The following DLG2 variants were observed in gnomAD, a reference collection of about 807,000 sequenced individuals.
The protein encoded by DLG2 is discs large MAGUK scaffold protein 2, also known as disks large homolog 2.
In DLG2, 45 loss-of-function variants were observed where a neutral mutation model predicts 132.5. The ratio of observed to expected loss-of-function variants is 0.34; its 90% CI spans 0.27 to 0.44. The LOEUF is 0.44. Ranked by LOEUF, DLG2 falls within the 20% of genes least tolerant of loss-of-function variation. The pLI is 1.00. For missense variants in DLG2, 1,045 were observed against 1,196.9 expected, an observed-to-expected ratio of 0.87 and a Z score of 1.87; for synonymous variants, 424 against 419.6, an observed-to-expected ratio of 1.01 and a Z score of -0.13.
intron 10 of DLG2, among the ~76,000 whole-genome samples, chr11:84,071,672 C>T (rs2096759328): frequency 6.6e-6 from 1 of 152,114 alleles, no homozygotes; most frequent in Non-Finnish European, 1.5e-5. Context: ...CAACTTATTG[C>T]CAGAATGGTG....
chr11:84,347,103 T>C (rs541358672), intron 7 of DLG2, among the ~76,000 whole-genome samples: 1 of 152,130 alleles, frequency 6.6e-6, no homozygotes, highest in African/African-American at 2.4e-5. Flanking sequence ...CAATCACTTC[T>C]CTGGTAGATG....
At chr11:84,537,695 C>T (rs919190458) in intron 6 of DLG2, among the ~76,000 whole-genome samples, 28 of 152,104 alleles carry the variant, frequency 1.8e-4, no homozygotes, top group African/African-American at 5.3e-4. Context: ...TGTTTTTCCA[C>T]GGAACTGTAA....
intron 3 of DLG2, among the ~76,000 whole-genome samples, chr11:85,479,018 T>C (rs1250979898): frequency 6.6e-6 from 1 of 152,180 alleles, no homozygotes; most frequent in African/African-American, 2.4e-5. Context: ...AAGAAAAAGA[T>C]TTCTTAAGCT....
At chr11:84,290,328 T>C (rs961897737) in intron 7 of DLG2, among the ~76,000 whole-genome samples, 13 of 152,130 alleles carry the variant, frequency 8.5e-5, no homozygotes, top group African/African-American at 2.9e-4. Flanking sequence ...GAGGCATACA[T>C]GCTATAATGA....
At chr11:84,400,183 T>C (rs1370952291) in intron 7 of DLG2, among the ~76,000 whole-genome samples, 1 of 152,208 alleles carries the variant, frequency 6.6e-6, no homozygotes, top group Non-Finnish European at 1.5e-5. Context: ...TTATGACCAA[T>C]AATTTTAGGT....
intron 6 of DLG2, among the ~76,000 whole-genome samples, chr11:84,877,195 T>C (rs2086491006): frequency 1.3e-5 from 2 of 152,120 alleles, no homozygotes; most frequent in African/African-American, 4.8e-5. Context: ...TAGATGCCTA[T>C]TAGGTCTGCT....
chr11:85,597,518 C>T (rs1276082663), intron 3 of DLG2, among the ~76,000 whole-genome samples: 1 of 151,808 alleles, frequency 6.6e-6, no homozygotes, highest in African/African-American at 2.4e-5. Flanking sequence ...TTAATTCTTG[C>T]TAGCCACAAT....
intron 6 of DLG2, among the ~76,000 whole-genome samples, chr11:84,736,993 T>G (rs1328303539): frequency 6.6e-6 from 1 of 152,144 alleles, no homozygotes; most frequent in East Asian, 1.9e-4. Flanking sequence ...ATGTTAGCTA[T>G]AGGTTTTTCA....
chr11:84,962,869 T>C (rs527818330), intron 6 of DLG2, among the ~76,000 whole-genome samples: 115 of 152,330 alleles, frequency 7.5e-4, no homozygotes, highest in African/African-American at 2.5e-3. Flanking sequence ...TGATAACTTA[T>C]TTCCCCCAAA....
intron 6 of DLG2, among the ~76,000 whole-genome samples, chr11:84,878,117 G>C (rs1186980768): frequency 6.6e-6 from 1 of 152,156 alleles, no homozygotes; most frequent in Non-Finnish European, 1.5e-5. Flanking sequence ...GTTTGCGGGA[G>C]TGCAAATTAG....
chr11:85,623,274 C>T (rs2153276992), intron 2 of DLG2, among the ~76,000 whole-genome samples: 1 of 152,064 alleles, frequency 6.6e-6, no homozygotes, highest in South Asian at 2.1e-4. Context: ...CAAACTTCTA[C>T]ACCAGTTTAA....
intron 3 of DLG2, among the ~76,000 whole-genome samples, chr11:85,508,834 T>C (rs1328627523): frequency 6.6e-6 from 1 of 152,088 alleles, no homozygotes; most frequent in Non-Finnish European, 1.5e-5. Context: ...TAGCTTAGCA[T>C]CTGACAGATA....
chr11:83,760,714 A>G (rs2093868402), intron 18 of DLG2, among the ~76,000 whole-genome samples: 1 of 152,094 alleles, frequency 6.6e-6, no homozygotes, highest in Non-Finnish European at 1.5e-5. Flanking sequence ...AACAACAACA[A>G]CAAAAAACTG....
intron 6 of DLG2, among the ~76,000 whole-genome samples, chr11:84,849,118 T>G (rs1046884092): frequency 1.3e-5 from 2 of 152,136 alleles, no homozygotes; most frequent in Non-Finnish European, 2.9e-5. Context: ...GAGAGGAACC[T>G]CATAGAGATG....
chr11:83,682,360 G>A (rs2078978730), intron 18 of DLG2: 2 of 985,330 alleles, frequency 2.0e-6, no homozygotes, highest in Non-Finnish European at 2.4e-6. Context: ...CATCACAGGG[G>A]GTGACCATGC....
chr11:84,960,104 T>A (rs192532597), intron 6 of DLG2, among the ~76,000 whole-genome samples: 2 of 152,316 alleles, frequency 1.3e-5, no homozygotes, highest in Admixed American at 1.3e-4. Context: ...ATGAAGACAC[T>A]AAACTTAGAG....
At chr11:83,736,411 T>C (rs1379974644) in intron 18 of DLG2, among the ~76,000 whole-genome samples, 1 of 151,056 alleles carries the variant, frequency 6.6e-6, no homozygotes, top group Non-Finnish European at 1.5e-5. Flanking sequence ...GGCAACTTTA[T>C]GCACCTGTTC....
intron 6 of DLG2, chr11:84,923,223 C>T: frequency 6.4e-7 from 1 of 1,574,342 alleles, no homozygotes; most frequent in Non-Finnish European, 8.6e-7. Context: ...TCCGTTCCCT[C>T]TGTCAGTTTG....
chr11:85,497,846 G>T (rs199570429), intron 3 of DLG2, among the ~76,000 whole-genome samples: 1 of 152,116 alleles, frequency 6.6e-6, no homozygotes, highest in East Asian at 1.9e-4. Context: ...ATAAGTGAAG[G>T]GGAAATAAAA....
Sources: gnomAD v4.1 joint callset for allele counts (sites outside exome capture counted in the v4.1 genomes callset) on GRCh38, gnomAD v4.1.1 for gene constraint, MANE v1.5 for transcripts, NCBI Gene and HGNC (gene_info 2026-07-23, HGNC 2026-07-21) for gene names.